Variants in SC5D observed in about 807,000 individuals in gnomAD.
The protein encoded by SC5D is lathosterol oxidase.
Under a neutral mutation model 23.9 loss-of-function variants are expected in SC5D, and 21 were observed. The ratio of observed to expected loss-of-function variants is 0.88; its 90% CI spans 0.62 to 1.26. The LOEUF (loss-of-function observed/expected upper bound fraction) is 1.26, where lower values mean the gene tolerates loss of function less well. Among genes scored for constraint, SC5D ranks in the 50% most tolerant of loss-of-function variants. The pLI is 0.00. For synonymous variants in SC5D, 113 were observed against 125.9 expected, an observed-to-expected ratio of 0.90 and a Z score of 0.68; for missense variants, 309 against 364.8, an observed-to-expected ratio of 0.85 and a Z score of 1.25.
intron 1 of SC5D, 140 bp from the exon 2 acceptor site, chr11:121,303,226 T>C (rs1947937878): frequency 2.8e-5 from 19 of 671,444 alleles, no homozygotes; most frequent in South Asian, 2.7e-4. Flanking sequence ...AAAGATGGCA[T>C]GTAGGGGATT....
rs745556623 is a variant in SC5D, at chr11:121,310,858, G to A, written c.*3346G>A. 2.6e-5 allele frequency among the ~76,000 whole-genome samples: 4 copies of A among 152,166 alleles called. No individual in the cohort carries two copies. Among genetic ancestry groups the A allele is most frequent in the Non-Finnish European group, 2.9e-5 (2 of 68,032 alleles). ...ACACCAAACCAACTGGTGCTTAACC[G>A]TGACTTCCCAGCCTCCAGAGCTGTA... On this transcript the variant is annotated 3_prime_UTR_variant, in exon 5 of 5. Transcript: ENST00000264027.
In SC5D at chr11:121,298,289, G is replaced by A. The variant is rs538332265; in HGVS notation, c.-10-5077G>A. On this transcript the variant is annotated intron_variant, in intron 1 of 4. Transcript: ENST00000264027. The stretch of plus-strand genomic sequence containing the variant: ...ATTACAGTCATGAGCCACCATGCCT[G>A]ACCAGAATACAATCTTTTTCTCCAA... Among the ~76,000 whole-genome samples, 7 of 152,302 alleles carry A rather than the reference G, an allele frequency of 4.6e-5. No homozygotes were observed. In the South Asian group the frequency reaches 1.5e-3, roughly 32 times the overall value.
rs188860035 is a variant in SC5D at position 121,311,944 on chromosome 11, T to G, written c.*4432T>G. On this transcript the variant is annotated 3_prime_UTR_variant, in exon 5 of 5. Transcript: ENST00000264027. ...CTTAAAATTGGAGGGTGAAAGACATTGAGGTGAAGTAGAGATAGAGGGTAC... is the reference window on the plus strand; with the variant it reads ...CTTAAAATTGGAGGGTGAAAGACATGGAGGTGAAGTAGAGATAGAGGGTAC... Among the ~76,000 whole-genome samples, 1 of 152,194 alleles carries G rather than the reference T, an allele frequency of 6.6e-6. No individual in the cohort carries two copies. Among genetic ancestry groups the G allele is most frequent in the Non-Finnish European group, 1.5e-5 (1 of 68,016 alleles).
rs548816290 is a variant in SC5D, at chr11:121,296,399, A to G, written c.-11+3583A>G. On this transcript the variant is annotated intron_variant, in intron 1 of 4. Transcript: ENST00000264027. The stretch of plus-strand genomic sequence containing the variant: ...CCATCACCCTGTCTAACACCCACCA[A>G]CCACACGCAGTGAGCCATGAATGCA... Among the ~76,000 whole-genome samples, 18 of 152,178 alleles carry G rather than the reference A, an allele frequency of 1.2e-4. No individual in the cohort carries two copies. The East Asian group carries it at 3.5e-3, about 29-fold the overall frequency.
Position 121,310,570 on chromosome 11 carries a change from G to A in SC5D, c.*3058G>A, listed in dbSNP as rs1591507140. Among the ~76,000 whole-genome samples the A allele has an allele frequency of 6.7e-6, 1 of 150,220 alleles. No individual in the cohort carries two copies. Among genetic ancestry groups the A allele is most frequent in the South Asian group, 2.1e-4 (1 of 4,750 alleles). ...CCTCCCGGGTTCACGCCATTCTCCT[G>A]CCTCAGCCTCCCGAGTAGCTGGGAC... is the stretch of plus-strand genomic sequence containing the variant. On this transcript the variant is annotated 3_prime_UTR_variant, in exon 5 of 5. Transcript: ENST00000264027.
chr11:121,311,189 T>A lies in SC5D; in HGVS notation c.*3677T>A, dbSNP rs1948007493. ...CATGGTTAAAGTTCAATAAATACTT[T>A]GTTGAATTTATTAATAAAATGGCAG... is the stretch of plus-strand genomic sequence containing the variant. On this transcript the variant is annotated 3_prime_UTR_variant, in exon 5 of 5. Transcript: ENST00000264027. Among the ~76,000 whole-genome samples the A allele has an allele frequency of 6.6e-6, 1 of 152,266 alleles. No individual in the cohort carries two copies. The highest frequency in any genetic ancestry group is 2.4e-5 in the African/African-American group (1 of 41,476).
chr11:121,300,827 A>G (rs1409244435), intron 1 of SC5D, among the ~76,000 whole-genome samples: 1 of 152,238 alleles, frequency 6.6e-6, no homozygotes, highest in Admixed American at 6.5e-5. Context: ...GCATGGCCCA[A>G]CACAGCACCT....
chr11:121,296,112 C>T (rs1947887266), intron 1 of SC5D, among the ~76,000 whole-genome samples: 1 of 152,134 alleles, frequency 6.6e-6, no homozygotes, highest in Non-Finnish European at 1.5e-5. Context: ...TTCAAGCGGT[C>T]CTCCTACCTC....
intron 1 of SC5D, among the ~76,000 whole-genome samples, chr11:121,297,022 G>A (rs971950232): frequency 2.7e-4 from 41 of 152,098 alleles, no homozygotes; most frequent in African/African-American, 8.5e-4. Flanking sequence ...CTCATAATAA[G>A]GTAAATGCAA....
chr11:121,308,924 A>G lies in SC5D; in HGVS notation c.*1412A>G, dbSNP rs1268778015. On this transcript the variant is annotated 3_prime_UTR_variant, in exon 5 of 5. Transcript: ENST00000264027. ...CAATGTCATCTTATTTAAATGTACC[A>G]ATTAGCATTTTGTAATAGGCAAATG... Among the ~76,000 whole-genome samples, 1 of 152,264 alleles carries G rather than the reference A, an allele frequency of 6.6e-6. No homozygotes were observed. The highest frequency in any genetic ancestry group is 1.5e-5 in the Non-Finnish European group (1 of 68,046).
chr11:121,293,656 T>A (rs1053477547), intron 1 of SC5D, among the ~76,000 whole-genome samples: 3 of 152,204 alleles, frequency 2.0e-5, no homozygotes, highest in African/African-American at 7.2e-5. Flanking sequence ...CTCGGTACTT[T>A]TAGAGGAAAC....
rs968674328 is a variant in SC5D, at chr11:121,309,153, T to C, written c.*1641T>C. 1.3e-5 allele frequency among the ~76,000 whole-genome samples: 2 copies of C among 152,222 alleles called. No homozygotes were observed. Among genetic ancestry groups the C allele is most frequent in the Non-Finnish European group, 2.9e-5 (2 of 68,040 alleles). ...TTTCTCTCTCATATGATGTCCCATG[T>C]GGATGTTTGTGGTCAGTGGACAGCT... On this transcript the variant is annotated 3_prime_UTR_variant, in exon 5 of 5. Coordinates refer to ENST00000264027, the MANE Select transcript of SC5D (RefSeq NM_006918.5).
At position 121,306,410 on chromosome 11, in the gene SC5D, TA is replaced by T; in HGVS notation, c.370del (p.Ile124TyrfsTer72). 6.3e-7 allele frequency: 1 copy of T among 1,575,542 alleles called. No homozygotes were observed. The highest frequency in any genetic ancestry group is 8.7e-7 in the Non-Finnish European group (1 of 1,145,014). The stretch of plus-strand genomic sequence containing the variant: ...GGATTGTTTGAACTTGTCGTTAGTA[TA>T]ATATCTTTCCTCTTTTTCACTGACA... ...PYGLFELVVS[I>X]ISFLFFTDMF... On this transcript the variant is annotated frameshift_variant, in exon 4 of 5. Coordinates refer to ENST00000264027, the MANE Select transcript of SC5D (RefSeq NM_006918.5). LOFTEE classifies it high-confidence loss of function.
intron 1 of SC5D, among the ~76,000 whole-genome samples, chr11:121,301,563 A>C (rs932543465): frequency 6.6e-6 from 1 of 152,196 alleles, no homozygotes; most frequent in Non-Finnish European, 1.5e-5. Context: ...AGTTTAAGAA[A>C]GAGTGGCCCC....
rs148376006 is a variant in SC5D, at chr11:121,312,424, C to T, written c.*4912C>T. On this transcript the variant is annotated 3_prime_UTR_variant, in exon 5 of 5. Coordinates refer to ENST00000264027, the MANE Select transcript of SC5D (RefSeq NM_006918.5). ...TAACAATTTGTAAATTCCAATTATC[C>T]TGAACATTTAATACCATTTACATAT... Among the ~76,000 whole-genome samples the T allele has an allele frequency of 5.8e-3, 880 of 152,134 alleles. 8 individuals carry two copies. The highest frequency in any genetic ancestry group is 7.7e-3 in the Admixed American group (117 of 15,280).
At position 121,299,821 on chromosome 11, in the gene SC5D, G is replaced by T. The variant is rs1012917090; in HGVS notation, c.-10-3545G>T. Among the ~76,000 whole-genome samples the T allele has an allele frequency of 3.9e-5, 6 of 152,224 alleles. No homozygotes were observed. The East Asian group carries it at 1.2e-3, about 29-fold the overall frequency. ...AGTCAGAAGGATCACTTGAGCCCGGGAGGCAGAGGTTGCAGTGAGCTGAGA... is the reference window on the plus strand; with the variant it reads ...AGTCAGAAGGATCACTTGAGCCCGGTAGGCAGAGGTTGCAGTGAGCTGAGA... On this transcript the variant is annotated intron_variant, in intron 1 of 4. Coordinates refer to ENST00000264027, the MANE Select transcript of SC5D (RefSeq NM_006918.5).
At chr11:121,293,988 G>C (rs181350798) in intron 1 of SC5D, among the ~76,000 whole-genome samples, 4 of 152,316 alleles carry the variant, frequency 2.6e-5, no homozygotes, top group Admixed American at 2.0e-4. Flanking sequence ...GGGGAGCATA[G>C]AAGTACCTAT....
At chr11:121,304,298 T>G in intron 2 of SC5D, 63 bp from the exon 3 acceptor site, 1 of 1,505,130 alleles carries the variant, frequency 6.6e-7, no homozygotes, top group Non-Finnish European at 9.2e-7. Flanking sequence ...CCAGAACAGT[T>G]TTATGCTAGT....
chr11:121,299,829 G>C (rs1947913863), intron 1 of SC5D, among the ~76,000 whole-genome samples: 1 of 152,184 alleles, frequency 6.6e-6, no homozygotes. Context: ...GGGAGGCAGA[G>C]GTTGCAGTGA....
Sources: gnomAD v4.1 joint callset for allele counts (sites outside exome capture counted in the v4.1 genomes callset) on GRCh38, gnomAD v4.1.1 for gene constraint, MANE v1.5 for transcripts, NCBI Gene and HGNC (gene_info 2026-07-23, HGNC 2026-07-21) for gene names.